Variants in PTGDR observed in about 807,000 individuals in gnomAD.
PTGDR encodes prostaglandin D2 receptor, also known as PGD2 receptor.
PTGDR carries 19 observed loss-of-function variants against 17.4 expected under a neutral mutation model. That is an observed-to-expected ratio of 1.09 (90% CI 0.76 to 1.60). The LOEUF (loss-of-function observed/expected upper bound fraction) is 1.60. PTGDR is among the 40% of genes most tolerant of loss of function. PTGDR has a pLI of 0.00. For missense variants in PTGDR, 526 were observed against 481.9 expected, an observed-to-expected ratio of 1.09 and a Z score of -0.86; for synonymous variants, 267 against 224.2, an observed-to-expected ratio of 1.19 and a Z score of -1.71.
chr14:52,279,795 A>T (rs181173355), downstream of PTGDR, among the ~76,000 whole-genome samples: 2,818 of 105,446 alleles, frequency 0.027, 51 homozygotes, highest in Middle Eastern at 0.096. Flanking sequence ...TAATAAAATT[A>T]AAAAAAAAAT....
downstream of PTGDR, among the ~76,000 whole-genome samples, chr14:52,278,505 A>G (rs1396667935): frequency 2.0e-5 from 3 of 152,196 alleles, no homozygotes; most frequent in Admixed American, 6.5e-5. Flanking sequence ...ATTAGGAGAT[A>G]TACCTAATGT....
chr14:52,274,708 T>C (rs771566898), intron 1 of PTGDR, 23 bp from the exon 2 acceptor site: 6 of 1,549,814 alleles, frequency 3.9e-6, no homozygotes, highest in Non-Finnish European at 3.6e-6. Context: ...CACATCATAA[T>C]GGAATGTTTT....
intron 1 of PTGDR, among the ~76,000 whole-genome samples, chr14:52,273,852 A>G (rs1281898798): frequency 6.6e-6 from 1 of 152,120 alleles, no homozygotes; most frequent in Non-Finnish European, 1.5e-5. Context: ...GTAATGGAAA[A>G]AAGAAAAAAG....
At position 52,275,044 on chromosome 14, in the gene PTGDR, ACTT is replaced by A; in HGVS notation, c.*81_*83del. 8.6e-7 allele frequency: 1 copy of A among 1,157,224 alleles called. No homozygotes were observed. The highest frequency in any genetic ancestry group is 1.2e-6 in the Non-Finnish European group (1 of 826,714). 71.7% of individuals were successfully genotyped at this position (1,157,224 alleles called of 1,614,324 possible). On this transcript the variant is annotated 3_prime_UTR_variant, in exon 2 of 2. Transcript: ENST00000306051. Reference sequence around the variant, plus strand: ...AACCATGATTAAAAAAAAAAAGACAACTTACAATTTAAATCCTTAAAAGTTACC... The same window carrying A: ...AACCATGATTAAAAAAAAAAAGACAAACAATTTAAATCCTTAAAAGTTACC...
chr14:52,274,356 A>G (rs1404122744), intron 1 of PTGDR, among the ~76,000 whole-genome samples: 2 of 152,236 alleles, frequency 1.3e-5, no homozygotes, highest in African/African-American at 2.4e-5. Context: ...GTGCAAGGAC[A>G]CTAGCTAGAA....
downstream of PTGDR, among the ~76,000 whole-genome samples, chr14:52,278,715 C>T (rs2033458218): frequency 1.3e-5 from 2 of 152,096 alleles, no homozygotes; most frequent in Admixed American, 6.6e-5. Context: ...AGTGATGAGA[C>T]CTGTCTTGCT....
At position 52,275,949 on chromosome 14, in the gene PTGDR, T is replaced by C. The variant is rs1448510393; in HGVS notation, c.*985T>C. 6.6e-6 allele frequency: 1 copy of C among 152,632 alleles called. No homozygotes were observed. Among genetic ancestry groups the C allele is most frequent in the Non-Finnish European group, 1.5e-5 (1 of 68,044 alleles). The allele number at this position is 152,632 out of a possible 1,614,324, so 9.5% of individuals were successfully genotyped here. A position where few individuals can be genotyped will look rare whatever the true frequency, so the allele number is the denominator to read the frequency against. On this transcript the variant is annotated 3_prime_UTR_variant, in exon 2 of 2. Transcript: ENST00000306051. ...GACGATAGTAACAATGGCCTTAACA[T>C]CTACCTTAACAGCTACCTATTACAG... is the stretch of plus-strand genomic sequence containing the variant.
chr14:52,268,587 T>C lies in PTGDR; in HGVS notation c.773T>C (p.Leu258Pro). Residue 258 changes from leucine to proline, a missense_variant, in exon 1 of 2, where the codon CTG (leucine) becomes CCG (proline). By Grantham distance (98) the Leu-to-Pro change is moderately conservative. Transcript: ENST00000306051. ...ADGREASPQP[L>P]EELDHLLLLA... ...GGGAGGGAAGCGTCCCCTCAGCCCCTGGAGGAGCTGGATCACCTCCTGCTG... is the reference window on the plus strand; with the variant it reads ...GGGAGGGAAGCGTCCCCTCAGCCCCCGGAGGAGCTGGATCACCTCCTGCTG... The C allele has an allele frequency of 2.5e-6, 4 of 1,611,558 alleles. No individual in the cohort carries two copies. The highest frequency in any genetic ancestry group is 2.2e-5 in the South Asian group (2 of 90,822).
downstream of PTGDR, among the ~76,000 whole-genome samples, chr14:52,276,886 C>G (rs189891803): frequency 2.6e-4 from 40 of 151,072 alleles, 1 homozygote; most frequent in East Asian, 7.7e-3. Flanking sequence ...GCTTTCATTA[C>G]TTTACTTACA....
At position 52,267,935 on chromosome 14, in the gene PTGDR, C is replaced by A. The variant is rs1378151771; in HGVS notation, c.121C>A (p.Leu41Met). ...LLGNLLALGL[L>M]ARSGLGWCSR... Reference sequence around the variant, plus strand: ...GGGCAACCTGCTGGCCCTGGGGCTGCTGGCGCGCTCGGGGCTGGGGTGGTG... The same window carrying A: ...GGGCAACCTGCTGGCCCTGGGGCTGATGGCGCGCTCGGGGCTGGGGTGGTG... Residue 41 changes from leucine to methionine, a missense_variant, in exon 1 of 2, where the codon CTG (leucine) becomes ATG (methionine). By Grantham distance (15) the Leu-to-Met change is conservative. Transcript: ENST00000306051. The A allele has an allele frequency of 6.2e-7, 1 of 1,610,156 alleles. No individual in the cohort carries two copies. The highest frequency in any genetic ancestry group is 1.1e-5 in the South Asian group (1 of 90,952).
Position 52,267,759 on chromosome 14 carries a change from C to G in PTGDR, c.-56C>G. 2 of 1,484,980 alleles carry G rather than the reference C, an allele frequency of 1.3e-6. No homozygotes were observed. The highest frequency in any genetic ancestry group is 1.8e-6 in the Non-Finnish European group (2 of 1,120,700). 92.0% of individuals were successfully genotyped at this position (1,484,980 alleles called of 1,614,324 possible). ...TGCCGGGGGCTCCTTAGCACCCGGG[C>G]GCCGGGGCCCTCGCCCTTCCGCAGC... On this transcript the variant is annotated 5_prime_UTR_variant, in exon 1 of 2. Coordinates refer to ENST00000306051, the MANE Select transcript of PTGDR (RefSeq NM_000953.3).
chr14:52,268,746 G>C (rs2033268805), intron 1 of PTGDR, 86 bp downstream of exon 1: 1 of 1,407,102 alleles, frequency 7.1e-7, no homozygotes, highest in African/African-American at 1.4e-5. Flanking sequence ...GATCGGGATG[G>C]ACGCGGCGCC....
chr14:52,273,701 C>T (rs2033364839), intron 1 of PTGDR, among the ~76,000 whole-genome samples: 1 of 152,144 alleles, frequency 6.6e-6, no homozygotes, highest in Non-Finnish European at 1.5e-5. Flanking sequence ...TGCATCTTCT[C>T]CAGGAGATGC....
chr14:52,274,843 C>G lies in PTGDR; in HGVS notation c.959C>G (p.Pro320Arg). 5 of 1,611,064 alleles carry G rather than the reference C, an allele frequency of 3.1e-6. No individual in the cohort carries two copies. The highest frequency in any genetic ancestry group is 4.2e-6 in the Non-Finnish European group (5 of 1,177,216). ...RFLSVISIVD[P>R]WIFIIFRSPV... is the part of the protein sequence containing the mutation. Reference sequence around the variant, plus strand: ...CTATCTGTGATTTCAATTGTGGACCCTTGGATTTTTATCATTTTCAGATCT... The same window carrying G: ...CTATCTGTGATTTCAATTGTGGACCGTTGGATTTTTATCATTTTCAGATCT... Residue 320 changes from proline (P) to arginine (R), a missense_variant, in exon 2 of 2, where the codon CCT becomes CGT. Transcript: ENST00000306051.
rs199950174 is a variant in PTGDR, at chr14:52,276,226, G to A, written c.*1262G>A. The A allele has an allele frequency of 6.6e-6, 1 of 152,212 alleles. No homozygotes were observed. The highest frequency in any genetic ancestry group is 2.4e-5 in the African/African-American group (1 of 41,442). The allele number at this position is 152,212 out of a possible 1,614,324, so 9.4% of individuals were successfully genotyped here. ...AGCTTTCACCTTTGGTAAAAGAACA[G>A]CTGGGGAGGTTCAAGGGGTTTCAGC... On this transcript the variant is annotated 3_prime_UTR_variant, in exon 2 of 2. Transcript: ENST00000306051.
intron 1 of PTGDR, among the ~76,000 whole-genome samples, chr14:52,271,653 C>T (rs1433027252): frequency 3.3e-5 from 5 of 152,210 alleles, no homozygotes; most frequent in African/African-American, 7.2e-5. Flanking sequence ...TGTGTACCCT[C>T]AACCTGCCAC....
chr14:52,268,514 C>T lies in PTGDR; in HGVS notation c.700C>T (p.Arg234Trp), dbSNP rs199602538. The change falls in exon 1 of 2, where the codon CGG becomes TGG. Residue 234 changes from arginine (R) to tryptophan (W), a missense_variant. Arg to Trp is a moderately radical substitution (Grantham distance 101). Coordinates refer to ENST00000306051, the MANE Select transcript of PTGDR (RefSeq NM_000953.3). Reference protein sequence around the residue: ...NLYAMHRRLQRHPRSCTRDCA... With the variant: ...NLYAMHRRLQWHPRSCTRDCA... ...CTATGCGATGCACCGGCGGCTGCAG[C>T]GGCACCCGCGCTCCTGCACCAGGGA... is the stretch of plus-strand genomic sequence containing the variant. The T allele has an allele frequency of 6.2e-6, 10 of 1,611,222 alleles. No homozygotes were observed. The highest frequency in any genetic ancestry group is 1.3e-5 in the African/African-American group (1 of 74,924).
chr14:52,269,238 C>A (rs2033279030), intron 1 of PTGDR, among the ~76,000 whole-genome samples: 11 of 152,164 alleles, frequency 7.2e-5, no homozygotes, highest in Admixed American at 5.9e-4. Context: ...TGAGACGCCA[C>A]GGCTGCTGTT....
chr14:52,279,933 T>C (rs2033469490), downstream of PTGDR, among the ~76,000 whole-genome samples: 1 of 151,644 alleles, frequency 6.6e-6, no homozygotes, highest in Non-Finnish European at 1.5e-5. Flanking sequence ...AAGTCAAAGC[T>C]CAAATGAAAG....
Sources: gnomAD v4.1 joint callset for allele counts (sites outside exome capture counted in the v4.1 genomes callset) on GRCh38, gnomAD v4.1.1 for gene constraint, MANE v1.5 for transcripts, NCBI Gene and HGNC (gene_info 2026-07-23, HGNC 2026-07-21) for gene names.